The following ELK3 variants were observed in gnomAD, a reference collection of about 807,000 sequenced individuals.
The protein encoded by ELK3 is ETS domain-containing protein Elk-3.
Under a neutral mutation model 28.9 loss-of-function variants are expected in ELK3, and 10 were observed. The observed-to-expected ratio is 0.35, with a 90% CI of 0.21 to 0.59. ELK3 has a LOEUF of 0.59. ELK3 is among the 20% of genes least tolerant of loss of function. ELK3 has a pLI of 0.82. For missense variants in ELK3, 463 were observed against 517.3 expected, an observed-to-expected ratio of 0.90 and a Z score of 1.02; for synonymous variants, 272 against 243.5, an observed-to-expected ratio of 1.12 and a Z score of -1.09.
chr12:96,256,170 A>T (rs969991626), intron 3 of ELK3, among the ~76,000 whole-genome samples: 2 of 152,190 alleles, frequency 1.3e-5, no homozygotes, highest in East Asian at 1.9e-4. Flanking sequence ...GCCATCTGTA[A>T]GGTGATAGGG....
chr12:96,260,650 T>C (rs77083718), intron 4 of ELK3, among the ~76,000 whole-genome samples: 94 of 152,340 alleles, frequency 6.2e-4, no homozygotes, highest in African/African-American at 2.2e-3. Context: ...TTGAGACCCA[T>C]AGATCATTAC....
At chr12:96,220,193 C>T (rs1035211566) in intron 1 of ELK3, among the ~76,000 whole-genome samples, 1 of 152,130 alleles carries the variant, frequency 6.6e-6, no homozygotes, top group Non-Finnish European at 1.5e-5. Context: ...ATCCCCACCA[C>T]TGCTCCTCTG....
At chr12:96,217,576 C>G (rs1156921177) in intron 1 of ELK3, among the ~76,000 whole-genome samples, 1 of 152,120 alleles carries the variant, frequency 6.6e-6, no homozygotes, top group Non-Finnish European at 1.5e-5. Context: ...AAATCTCGAA[C>G]GTGTTCATTT....
At chr12:96,236,297 G>A (rs1259657366) in intron 2 of ELK3, among the ~76,000 whole-genome samples, 1 of 152,196 alleles carries the variant, frequency 6.6e-6, no homozygotes, top group Non-Finnish European at 1.5e-5. Context: ...ATCCTCCCGG[G>A]TTGGGGTGTC....
At chr12:96,219,725 C>T (rs1565780764) in intron 1 of ELK3, among the ~76,000 whole-genome samples, 1 of 152,202 alleles carries the variant, frequency 6.6e-6, no homozygotes, top group East Asian at 1.9e-4. Context: ...AGAGTGACTT[C>T]TGAGCGTAGA....
Position 96,247,783 on chromosome 12 carries a change from G to GATGACAGGAATGACTCTTA in ELK3, c.1002+49_1002+50insATGACAGGAATGACTCTTA. The GATGACAGGAATGACTCTTA allele has an allele frequency of 6.8e-7, 1 of 1,461,468 alleles. No homozygotes were observed. Among genetic ancestry groups the GATGACAGGAATGACTCTTA allele is most frequent in the Non-Finnish European group, 9.0e-7 (1 of 1,109,854 alleles). 90.5% of individuals were successfully genotyped at this position (1,461,468 alleles called of 1,614,324 possible). On this transcript the variant is annotated intron_variant, in intron 3 of 4. Transcript: ENST00000228741. This position sits in a 1 kb window ranked among gnomAD's most constrained non-coding sequence, Gnocchi z 5.5. ...AGCCACAGCCAGCTTCAGTGGCTTA[G>GATGACAGGAATGACTCTTA]CAAAAAAGGAAGAGCAACTAAAGAG...
chr12:96,204,687 T>C (rs1471233912), intron 1 of ELK3, among the ~76,000 whole-genome samples: 1 of 152,236 alleles, frequency 6.6e-6, no homozygotes, highest in East Asian at 1.9e-4. Flanking sequence ...AGTTCTCCTC[T>C]GCTTGCACCT....
chr12:96,242,704 G>A (rs890396123), intron 2 of ELK3, among the ~76,000 whole-genome samples: 6 of 152,106 alleles, frequency 3.9e-5, no homozygotes, highest in East Asian at 3.9e-4. Flanking sequence ...AGCTCCCCTC[G>A]TCTAGCAGAT....
At chr12:96,254,123 A>C (rs1025945119) in intron 3 of ELK3, among the ~76,000 whole-genome samples, 7 of 152,198 alleles carry the variant, frequency 4.6e-5, no homozygotes, top group Non-Finnish European at 1.0e-4. Context: ...TCAGGAGTTC[A>C]AGACCAACCT....
chr12:96,262,559 G>A (rs1952000535), intron 4 of ELK3, among the ~76,000 whole-genome samples: 1 of 151,996 alleles, frequency 6.6e-6, no homozygotes, highest in East Asian at 1.9e-4. Context: ...CTGACAGGTT[G>A]TATGGCCTTG....
chr12:96,231,048 G>A (rs911449912), intron 2 of ELK3, among the ~76,000 whole-genome samples: 1 of 152,220 alleles, frequency 6.6e-6, no homozygotes. Context: ...GGCTGAGCCC[G>A]TGAGGGGCAG....
At chr12:96,215,541 A>C (rs1249421591) in intron 1 of ELK3, among the ~76,000 whole-genome samples, 1 of 152,082 alleles carries the variant, frequency 6.6e-6, no homozygotes, top group Non-Finnish European at 1.5e-5. Flanking sequence ...TTCTGTCAAT[A>C]GCATCTTTCT....
chr12:96,217,509 C>CT (rs1172579525), intron 1 of ELK3, among the ~76,000 whole-genome samples: 1 of 152,180 alleles, frequency 6.6e-6, no homozygotes, highest in Non-Finnish European at 1.5e-5. Context: ...TATTCAGATG[C>CT]TTTTTTGAAC....
chr12:96,241,150 C>T (rs1486126643), intron 2 of ELK3, among the ~76,000 whole-genome samples: 3 of 152,136 alleles, frequency 2.0e-5, no homozygotes, highest in East Asian at 1.9e-4. Context: ...AAGAATGAGC[C>T]GTGGAAAATT....
chr12:96,253,961 T>G (rs1406309310), intron 3 of ELK3, among the ~76,000 whole-genome samples: 1 of 152,218 alleles, frequency 6.6e-6, no homozygotes, highest in Non-Finnish European at 1.5e-5. Flanking sequence ...AGGGTTATAA[T>G]TTAGGGTGGT....
intron 3 of ELK3, among the ~76,000 whole-genome samples, chr12:96,257,456 C>G (rs1055089349): frequency 6.6e-6 from 1 of 152,194 alleles, no homozygotes; most frequent in Admixed American, 6.5e-5. Context: ...CATCTCAAAT[C>G]CAGACATGGG....
chr12:96,229,141 CTGATG>C (rs1485089813), intron 2 of ELK3, among the ~76,000 whole-genome samples: 2 of 152,198 alleles, frequency 1.3e-5, no homozygotes, highest in African/African-American at 4.8e-5. Flanking sequence ...GGATAAAACA[CTGATG>C]TGTCCACTAC....
intron 2 of ELK3, 31 bp from the exon 3 acceptor site, chr12:96,246,909 A>C: frequency 7.1e-6 from 11 of 1,555,046 alleles, no homozygotes; most frequent in Non-Finnish European, 9.6e-6. Flanking sequence ...GGGTGCACTC[A>C]GATTTTCAAC....
At chr12:96,264,654 G>A (rs942665773) in intron 4 of ELK3, among the ~76,000 whole-genome samples, 4 of 152,088 alleles carry the variant, frequency 2.6e-5, no homozygotes, top group Admixed American at 6.5e-5. Flanking sequence ...GTGTGCTGGC[G>A]TGTGCCTGTG....
Sources: allele counts gnomAD v4.1 joint callset (sites outside exome capture counted in the v4.1 genomes callset), GRCh38; gene constraint gnomAD v4.1.1; non-coding constraint Gnocchi (gnomAD v3.1); transcripts MANE v1.5; gene names NCBI Gene and HGNC (gene_info 2026-07-23, HGNC 2026-07-21).